The following OR2L13 variants were observed in gnomAD, a reference collection of about 807,000 sequenced individuals.
The protein encoded by OR2L13 is olfactory receptor family 2 subfamily L member 13, also known as olfactory receptor 2L13.
OR2L13 carries 14 observed loss-of-function variants against 15.3 expected under a neutral mutation model. That is an observed-to-expected ratio of 0.91 (90% CI 0.60 to 1.43). The LOEUF is 1.43. OR2L13 is among the 40% of genes most tolerant of loss of function. OR2L13 has a pLI of 0.00. For synonymous variants in OR2L13, 152 were observed against 142.9 expected (o/e 1.06, Z -0.45); for missense variants, 367 against 387.9 (o/e 0.95, Z 0.45).
At chr1:248,068,401 C>A in the OR2L13 span, among the ~76,000 whole-genome samples, 1 of 151,346 alleles carries the variant, frequency 6.6e-6, no homozygotes, top group East Asian at 1.9e-4. Context: ...CTGGAGTGGA[C>A]CTCTAGCAAA....
the OR2L13 span, among the ~76,000 whole-genome samples, chr1:248,018,266 ACTTTTC>A: frequency 6.6e-6 from 1 of 152,170 alleles, no homozygotes; most frequent in Admixed American, 6.5e-5. Context: ...GTCCTATGTT[ACTTTTC>A]CTTTTTTAAA....
At chr1:248,093,127 A>G (rs970362257), upstream of OR2L13, among the ~76,000 whole-genome samples, 4 of 152,110 alleles carry the variant, frequency 2.6e-5, no homozygotes, top group East Asian at 7.7e-4. Flanking sequence ...AAAGTTTGAA[A>G]TCTGATTGTT....
the OR2L13 span, among the ~76,000 whole-genome samples, chr1:248,028,620 C>T: frequency 3.3e-5 from 5 of 152,114 alleles, no homozygotes; most frequent in African/African-American, 9.7e-5. Flanking sequence ...CAAGTTGTGG[C>T]CTACGATCTG....
chr1:248,093,742 AT>A (rs1031270452), upstream of OR2L13, among the ~76,000 whole-genome samples: 9 of 151,068 alleles, frequency 6.0e-5, no homozygotes, highest in Middle Eastern at 3.5e-3. Context: ...ATTCACTCTT[AT>A]TTTTTTTTAT....
At chr1:248,089,772 G>A in the OR2L13 span, among the ~76,000 whole-genome samples, 5 of 152,064 alleles carry the variant, frequency 3.3e-5, no homozygotes, top group South Asian at 2.1e-4. Flanking sequence ...GACAGAGCTC[G>A]GACAACCATG....
chr1:248,071,304 A>C, the OR2L13 span, among the ~76,000 whole-genome samples: 5 of 152,124 alleles, frequency 3.3e-5, no homozygotes, highest in Non-Finnish European at 5.9e-5. Flanking sequence ...CATCCCTGGG[A>C]TGCAAGGCTG....
At chr1:248,060,815 T>A in the OR2L13 span, 2 of 1,614,070 alleles carry the variant, frequency 1.2e-6, no homozygotes, top group South Asian at 2.2e-5. Context: ...CTATCCATGA[T>A]TCTTCTCATC....
At chr1:248,091,716 G>T (rs549517606), upstream of OR2L13, among the ~76,000 whole-genome samples, 2 of 152,044 alleles carry the variant, frequency 1.3e-5, no homozygotes, top group Non-Finnish European at 2.9e-5. Context: ...CAAGTAATGC[G>T]ATGTCTCCAG....
the OR2L13 span, among the ~76,000 whole-genome samples, chr1:248,025,870 AT>A: frequency 6.6e-6 from 1 of 150,792 alleles, no homozygotes; most frequent in East Asian, 2.0e-4. Flanking sequence ...AACACCGCAT[AT>A]TCTTACTCAT....
the OR2L13 span, chr1:248,061,413 C>T: frequency 6.2e-7 from 1 of 1,614,128 alleles, no homozygotes; most frequent in South Asian, 1.1e-5. Context: ...GCACCCACCT[C>T]ACTGTAGTAA....
At chr1:248,086,637 T>C in the OR2L13 span, among the ~76,000 whole-genome samples, 1 of 152,068 alleles carries the variant, frequency 6.6e-6, no homozygotes, top group Non-Finnish European at 1.5e-5. Context: ...TATATTTATT[T>C]GTTAAGTGGA....
the OR2L13 span, among the ~76,000 whole-genome samples, chr1:247,958,878 G>C: frequency 4.5e-4 from 69 of 151,996 alleles, no homozygotes; most frequent in Middle Eastern, 6.8e-3. Flanking sequence ...CACACTGATG[G>C]GTTTTGACTC....
the OR2L13 span, among the ~76,000 whole-genome samples, chr1:248,037,676 T>C: frequency 6.6e-6 from 1 of 152,210 alleles, no homozygotes; most frequent in Non-Finnish European, 1.5e-5. Context: ...ATTCACAGCC[T>C]TACTAAACTA....
chr1:248,051,826 A>G, the OR2L13 span, among the ~76,000 whole-genome samples: 4 of 152,026 alleles, frequency 2.6e-5, no homozygotes, highest in South Asian at 4.2e-4. Context: ...TTGTTGGATC[A>G]TATACTTATT....
the OR2L13 span, among the ~76,000 whole-genome samples, chr1:248,070,495 T>C: frequency 6.6e-6 from 1 of 152,132 alleles, no homozygotes; most frequent in African/African-American, 2.4e-5. Flanking sequence ...GGGAAATTAA[T>C]AGCACTAAAT....
the OR2L13 span, among the ~76,000 whole-genome samples, chr1:247,979,897 A>AT: frequency 0.077 from 11,733 of 152,070 alleles, 540 homozygotes; most frequent in East Asian, 0.18. Context: ...GTTGTGTTTG[A>AT]TTTTCAGGAA....
At chr1:248,076,537 A>G in the OR2L13 span, among the ~76,000 whole-genome samples, 6 of 152,146 alleles carry the variant, frequency 3.9e-5, no homozygotes, top group South Asian at 1.0e-3. Context: ...AGTGGTTTGT[A>G]GTTCTCCTTG....
the OR2L13 span, chr1:247,965,776 A>T: frequency 2.5e-6 from 4 of 1,596,138 alleles, no homozygotes; most frequent in Non-Finnish European, 2.6e-6. Context: ...ACATTATCCT[A>T]TGCTTATGAG....
chr1:247,950,145 AT>A, the OR2L13 span, among the ~76,000 whole-genome samples: 1 of 151,678 alleles, frequency 6.6e-6, no homozygotes, highest in African/African-American at 2.4e-5. Context: ...AGTAATTAAA[AT>A]TTTTTTTTGG....
Sources: gnomAD v4.1 joint callset for allele counts (sites outside exome capture counted in the v4.1 genomes callset) on GRCh38, gnomAD v4.1.1 for gene constraint, MANE v1.5 for transcripts, NCBI Gene and HGNC (gene_info 2026-07-23, HGNC 2026-07-21) for gene names.